Variants in RAD54B observed in about 807,000 individuals in gnomAD.
RAD54B encodes RAD54 homolog B.
Under a neutral mutation model 95.8 loss-of-function variants are expected in RAD54B, and 78 were observed. That is an observed-to-expected ratio of 0.81 (90% CI 0.68 to 0.98). The LOEUF (loss-of-function observed/expected upper bound fraction) is 0.98, where lower values mean the gene tolerates loss of function less well. RAD54B is among the 50% of genes least tolerant of loss of function. The pLI, the probability that RAD54B is intolerant of heterozygous loss-of-function variation, is 0.00. For missense variants in RAD54B, 957 were observed against 1,056.6 expected (o/e 0.91, Z 1.31); for synonymous variants, 328 against 354.9 (o/e 0.92, Z 0.85).
chr8:94,374,090 T>C (rs1586112816), intron 14 of RAD54B, among the ~76,000 whole-genome samples: 1 of 152,098 alleles, frequency 6.6e-6, no homozygotes, highest in African/African-American at 2.4e-5. Flanking sequence ...CCATCCTGGC[T>C]AACACAGTGT....
At chr8:94,428,290 A>C (rs1811994951) in intron 3 of RAD54B, 2 of 980,632 alleles carry the variant, frequency 2.0e-6, no homozygotes, top group Admixed American at 1.2e-4. Flanking sequence ...TACATTTTGT[A>C]ATTAAAGCTC....
intron 1 of RAD54B, among the ~76,000 whole-genome samples, chr8:94,469,370 T>C (rs575914557): frequency 4.7e-4 from 72 of 152,312 alleles, no homozygotes; most frequent in Middle Eastern, 3.4e-3. Flanking sequence ...CCTGCTCCCA[T>C]GTAAGACGTG....
chr8:94,393,155 T>C (rs561153976), intron 9 of RAD54B, among the ~76,000 whole-genome samples: 1 of 152,268 alleles, frequency 6.6e-6, no homozygotes, highest in East Asian at 1.9e-4. Flanking sequence ...CTTTTTTTTA[T>C]AATAAATTCA....
rs143235049 is a variant in RAD54B at position 94,411,422 on chromosome 8, A to C, written c.305-107T>G. Reference sequence around the variant, plus strand: ...CACAAGAAAATTAGATTATATTAAGAAATAGTATGAAAGAATATTTGATCA... The same window carrying C: ...CACAAGAAAATTAGATTATATTAAGCAATAGTATGAAAGAATATTTGATCA... On this transcript the variant is annotated intron_variant, in intron 3 of 14. Transcript: ENST00000336148. The C allele has an allele frequency of 5.7e-4, 457 of 800,352 alleles. 2 individuals carry two copies. The African/African-American group carries it at 7.7e-3, about 13-fold the overall frequency. 49.6% of individuals were successfully genotyped at this position (800,352 alleles called of 1,614,324 possible).
intron 3 of RAD54B, among the ~76,000 whole-genome samples, chr8:94,437,853 G>A (rs993256766): frequency 1.3e-5 from 2 of 152,164 alleles, no homozygotes; most frequent in Non-Finnish European, 2.9e-5. Flanking sequence ...CAGTTTCGGT[G>A]CTTAGAATAT....
At chr8:94,398,313 T>A (rs1438872225) in intron 8 of RAD54B, among the ~76,000 whole-genome samples, 1 of 152,122 alleles carries the variant, frequency 6.6e-6, no homozygotes, top group Non-Finnish European at 1.5e-5. Context: ...GTTAATACAA[T>A]CCTCCTATAC....
intron 3 of RAD54B, among the ~76,000 whole-genome samples, chr8:94,415,696 A>T (rs1811646984): frequency 6.8e-6 from 1 of 147,868 alleles, no homozygotes; most frequent in Non-Finnish European, 1.5e-5. Context: ...CCCCATCAAA[A>T]AGTGGGCAAA....
At chr8:94,436,801 T>C in intron 3 of RAD54B, 1 of 1,549,558 alleles carries the variant, frequency 6.5e-7, no homozygotes, top group Non-Finnish European at 8.7e-7. Flanking sequence ...CACATATGGC[T>C]TCACAAGCTT....
At chr8:94,440,201 T>TAA (rs140489175) in intron 3 of RAD54B, among the ~76,000 whole-genome samples, 15,524 of 147,582 alleles carry the variant, frequency 0.11, 1,514 homozygotes, top group African/African-American at 0.25. Flanking sequence ...TAGGCAAGAT[T>TAA]AAAAAAAAAA....
In RAD54B at chr8:94,474,983, T is replaced by C. The variant is rs557325371; in HGVS notation, c.-17+18A>G. ...ACAGGCTGTCGCAGCCTCCCGAGCT[T>C]CCCCCTGCAGGACGCACCGGCGAAA... On this transcript the variant is annotated intron_variant, in intron 1 of 14. Transcript: ENST00000336148. 4.6e-5 allele frequency: 7 copies of C among 152,428 alleles called. No individual in the cohort carries two copies. The highest frequency in any genetic ancestry group is 6.5e-5 in the Admixed American group (1 of 15,290). The allele number at this position is 152,428 out of a possible 1,614,324, so 9.4% of individuals were successfully genotyped here. A position where few individuals can be genotyped will look rare whatever the true frequency, so the allele number is the denominator to read the frequency against.
intron 3 of RAD54B, among the ~76,000 whole-genome samples, chr8:94,450,507 T>C (rs914957572): frequency 6.6e-6 from 1 of 152,216 alleles, no homozygotes; most frequent in African/African-American, 2.4e-5. Context: ...AAAAGAGTCA[T>C]ACACAAACAA....
Position 94,411,270 on chromosome 8 carries a change from T to C in RAD54B, c.350A>G (p.Glu117Gly), listed in dbSNP as rs1811522037. 1 of 1,605,946 alleles carries C rather than the reference T, an allele frequency of 6.2e-7. No homozygotes were observed. The highest frequency in any genetic ancestry group is 1.7e-5 in the Admixed American group (1 of 57,588). The change falls in exon 4 of 15, where the codon GAG (glutamate) becomes GGG (glycine). Residue 117 changes from glutamate (E) to glycine (G), a missense_variant. Physicochemically the swap from Glu to Gly is moderately conservative, Grantham distance 98. Coordinates refer to ENST00000336148, the MANE Select transcript of RAD54B (RefSeq NM_012415.3). ...ATATTTAACTAGGCTATCAGATTTC[T>C]CTTCTTGTTCCTTGGACACTGCTAC... ...KEVAVSKEQEEKSDSLVKYFS... is the reference protein window; with the variant it reads ...KEVAVSKEQEGKSDSLVKYFS...
chr8:94,377,549 A>G (rs1302083849), intron 14 of RAD54B, among the ~76,000 whole-genome samples: 7 of 9,098 alleles, frequency 7.7e-4, no homozygotes, highest in Admixed American at 3.1e-3. Context: ...GTCTTGGAAA[A>G]AAAAAAAAAA....
At chr8:94,391,931 G>C in intron 9 of RAD54B, 32 bp from the exon 10 acceptor site, 1 of 1,535,934 alleles carries the variant, frequency 6.5e-7, no homozygotes. Context: ...AAATGAAAGT[G>C]TTATAGACAA....
At chr8:94,446,976 T>TA (rs10651138) in intron 3 of RAD54B, among the ~76,000 whole-genome samples, 65,426 of 147,318 alleles carry the variant, frequency 0.44, 14,658 homozygotes, top group East Asian at 0.79. Context: ...AGATAAGACT[T>TA]AAAAAAAAAA....
intron 3 of RAD54B, among the ~76,000 whole-genome samples, chr8:94,435,772 G>C (rs1291040251): frequency 1.3e-5 from 2 of 152,050 alleles, no homozygotes; most frequent in Non-Finnish European, 2.9e-5. Context: ...TTGCAAAGCA[G>C]TAAGAGAAAG....
intron 1 of RAD54B, 150 bp downstream of exon 1, chr8:94,474,851 A>G (rs1181564695): frequency 6.6e-6 from 1 of 152,398 alleles, no homozygotes; most frequent in Non-Finnish European, 1.5e-5. Context: ...TTCAGACCAA[A>G]GCTGCAGGCC....
chr8:94,430,732 A>G (rs1220954254), intron 3 of RAD54B: 1 of 964,156 alleles, frequency 1.0e-6, no homozygotes, highest in African/African-American at 1.8e-5. Flanking sequence ...TGTTATTTGC[A>G]AACATTTTAA....
intron 3 of RAD54B, among the ~76,000 whole-genome samples, chr8:94,422,621 TA>T (rs1811846448): frequency 7.9e-5 from 3 of 37,966 alleles, no homozygotes; most frequent in Non-Finnish European, 8.7e-5. Flanking sequence ...AAAAAAAATA[TA>T]TATATATATA....
Sources: allele counts gnomAD v4.1 joint callset (sites outside exome capture counted in the v4.1 genomes callset), GRCh38; gene constraint gnomAD v4.1.1; transcripts MANE v1.5; gene names NCBI Gene and HGNC (gene_info 2026-07-23, HGNC 2026-07-21).